NLGN1: variants seen among roughly 807,000 people sequenced by gnomAD.
NLGN1 encodes neuroligin 1.
In NLGN1, 12 loss-of-function variants were observed where a neutral mutation model predicts 65.5. The observed-to-expected ratio is 0.18, with a 90% CI of 0.12 to 0.30. NLGN1 has a LOEUF of 0.30. NLGN1 is among the 10% of genes least tolerant of loss of function. NLGN1 has a pLI of 1.00. For missense variants in NLGN1, 750 were observed against 1,007.1 expected (o/e 0.74, Z 3.46); for synonymous variants, 350 against 359.5 (o/e 0.97, Z 0.30).
Position 174,268,412 on chromosome 3 carries a change from G to T in NLGN1, c.647-6903G>T, listed in dbSNP as rs559853153. On this transcript the variant is annotated intron_variant, in intron 4 of 6. Transcript: ENST00000457714. ...GAAAACGCTAACAGCCTTAAATTGT[G>T]GTGAAGAATATGTGGTTGGTGATGG... is the stretch of plus-strand genomic sequence containing the variant. 3.2e-4 allele frequency among the ~76,000 whole-genome samples: 48 copies of T among 152,154 alleles called. No homozygotes were observed. In the South Asian group the frequency reaches 9.5e-3, roughly 30 times the overall value.
chr3:174,175,443 T>G (rs1453381684), intron 4 of NLGN1, among the ~76,000 whole-genome samples: 1 of 151,962 alleles, frequency 6.6e-6, no homozygotes, highest in African/African-American at 2.4e-5. Context: ...CTGAAGTAAA[T>G]ATAGCTACTC....
At chr3:173,415,668 T>A (rs1713548049) in intron 1 of NLGN1, among the ~76,000 whole-genome samples, 1 of 152,156 alleles carries the variant, frequency 6.6e-6, no homozygotes, top group South Asian at 2.1e-4. Context: ...GAAAAGGCAT[T>A]TTATATACTA....
At chr3:173,674,021 C>T (rs1258459743) in intron 3 of NLGN1, among the ~76,000 whole-genome samples, 1 of 152,120 alleles carries the variant, frequency 6.6e-6, no homozygotes, top group Non-Finnish European at 1.5e-5. Context: ...TTGGCCTACA[C>T]TCTATGGAGA....
intron 4 of NLGN1, among the ~76,000 whole-genome samples, chr3:174,194,567 A>T (rs902183149): frequency 1.3e-5 from 2 of 151,946 alleles, no homozygotes; most frequent in Non-Finnish European, 2.9e-5. Flanking sequence ...AGTTAAACAA[A>T]CCCAGATGTA....
At position 173,497,773 on chromosome 3, in the gene NLGN1, C is replaced by A. The variant is rs571416685; in HGVS notation, c.-321+62695C>A. Among the ~76,000 whole-genome samples the A allele has an allele frequency of 1.9e-3, 288 of 151,678 alleles. 5 individuals carry two copies. Among genetic ancestry groups the A allele is most frequent in the African/African-American group, 6.9e-3 (283 of 41,146 alleles). Reference sequence around the variant, plus strand: ...TAGAAAAAAAATCAATATTCAAGGCCCAGGTAGCCTAGGCTATTTTTAATG... The same window carrying A: ...TAGAAAAAAAATCAATATTCAAGGCACAGGTAGCCTAGGCTATTTTTAATG... On this transcript the variant is annotated intron_variant, in intron 2 of 6. Transcript: ENST00000457714.
intron 4 of NLGN1, among the ~76,000 whole-genome samples, chr3:173,865,941 C>T (rs757500914): frequency 3.3e-5 from 5 of 152,226 alleles, no homozygotes; most frequent in African/African-American, 1.2e-4. Flanking sequence ...CTGCTATTAA[C>T]CACATGGGCC....
intron 4 of NLGN1, among the ~76,000 whole-genome samples, chr3:173,819,391 G>T (rs1025844156): frequency 2.0e-5 from 3 of 152,022 alleles, no homozygotes; most frequent in African/African-American, 7.2e-5. Flanking sequence ...CTGACTCTCG[G>T]ATCCATTCCA....
intron 4 of NLGN1, among the ~76,000 whole-genome samples, chr3:173,981,560 T>A (rs1389359319): frequency 1.3e-5 from 2 of 152,182 alleles, no homozygotes; most frequent in Non-Finnish European, 2.9e-5. Flanking sequence ...TTACATTTGT[T>A]GTTTAATAGC....
intron 4 of NLGN1, among the ~76,000 whole-genome samples, chr3:174,050,629 T>A (rs561492017): frequency 6.6e-6 from 1 of 152,186 alleles, no homozygotes; most frequent in African/African-American, 2.4e-5. Context: ...TACTCTCTGC[T>A]TTGGATTAAG....
At chr3:173,651,597 T>G (rs1287342610) in intron 3 of NLGN1, among the ~76,000 whole-genome samples, 1 of 152,124 alleles carries the variant, frequency 6.6e-6, no homozygotes, top group Non-Finnish European at 1.5e-5. Flanking sequence ...TATGTATTTC[T>G]TTTTCTCTGC....
chr3:173,569,719 A>G (rs914189385), intron 2 of NLGN1, among the ~76,000 whole-genome samples: 14 of 152,074 alleles, frequency 9.2e-5, no homozygotes, highest in African/African-American at 3.4e-4. Context: ...CTAGCAAGAC[A>G]TCTCTGTCAT....
chr3:173,661,059 T>C (rs1423644016), intron 3 of NLGN1, among the ~76,000 whole-genome samples: 1 of 151,980 alleles, frequency 6.6e-6, no homozygotes, highest in Non-Finnish European at 1.5e-5. Context: ...GAAGGGTGTG[T>C]GCCAGTAATC....
chr3:173,763,608 A>G (rs572039967), intron 3 of NLGN1, among the ~76,000 whole-genome samples: 1 of 152,226 alleles, frequency 6.6e-6, no homozygotes, highest in South Asian at 2.1e-4. Context: ...ATTTGTATAT[A>G]TGGTATAACT....
chr3:173,981,250 T>A (rs1195801130), intron 4 of NLGN1, among the ~76,000 whole-genome samples: 2 of 152,166 alleles, frequency 1.3e-5, no homozygotes, highest in Non-Finnish European at 2.9e-5. Context: ...ATTCAGCTAT[T>A]TGTTGATTTA....
intron 2 of NLGN1, among the ~76,000 whole-genome samples, chr3:173,561,126 A>G (rs1742663906): frequency 6.6e-6 from 1 of 152,178 alleles, no homozygotes; most frequent in African/African-American, 2.4e-5. Flanking sequence ...TGGGCATAAG[A>G]TTTCTGACAC....
chr3:173,668,178 G>T (rs1761973295), intron 3 of NLGN1, among the ~76,000 whole-genome samples: 1 of 152,108 alleles, frequency 6.6e-6, no homozygotes, highest in Non-Finnish European at 1.5e-5. Context: ...CAGAAAATAG[G>T]CAGTGATCAA....
chr3:173,973,765 C>G (rs1215418290), intron 4 of NLGN1, among the ~76,000 whole-genome samples: 1 of 151,602 alleles, frequency 6.6e-6, no homozygotes, highest in Non-Finnish European at 1.5e-5. Context: ...TTTCCAAGAC[C>G]CAAATAATTT....
At chr3:173,976,695 C>A (rs1717537918) in intron 4 of NLGN1, among the ~76,000 whole-genome samples, 1 of 152,042 alleles carries the variant, frequency 6.6e-6, no homozygotes, top group Non-Finnish European at 1.5e-5. Context: ...GAGCATGATT[C>A]TACAAGCCAA....
intron 3 of NLGN1, among the ~76,000 whole-genome samples, chr3:173,688,639 G>A (rs1335772965): frequency 2.0e-5 from 3 of 152,032 alleles, no homozygotes; most frequent in Admixed American, 6.5e-5. Context: ...AGATACCACA[G>A]GCAAGTCACG....
Sources: gnomAD v4.1 joint callset for allele counts (sites outside exome capture counted in the v4.1 genomes callset) on GRCh38, gnomAD v4.1.1 for gene constraint, MANE v1.5 for transcripts, NCBI Gene and HGNC (gene_info 2026-07-23, HGNC 2026-07-21) for gene names.